The following FREM2 variants were observed in gnomAD, a reference collection of about 807,000 sequenced individuals.
FREM2 encodes FRAS1-related extracellular matrix protein 2.
FREM2 carries 119 observed loss-of-function variants against 219.9 expected under a neutral mutation model. That is an observed-to-expected ratio of 0.54 (90% CI 0.47 to 0.63). The LOEUF (loss-of-function observed/expected upper bound fraction) is 0.63, where lower values mean the gene tolerates loss of function less well. Ranked by LOEUF, FREM2 falls within the 30% of genes least tolerant of loss-of-function variation. FREM2 has a pLI of 0.00. For missense variants in FREM2, 4,030 were observed against 3,993.6 expected (o/e 1.01, Z -0.25); for synonymous variants, 1,562 against 1,522.8 (o/e 1.03, Z -0.60).
chr13:38,793,877 A>G (rs975734571), intron 6 of FREM2, among the ~76,000 whole-genome samples: 2 of 152,222 alleles, frequency 1.3e-5, no homozygotes, highest in Non-Finnish European at 2.9e-5. Flanking sequence ...GTTTCTAGTT[A>G]GAGCTGTTGG....
chr13:38,691,144 A>T lies in FREM2; in HGVS notation c.3800A>T (p.His1267Leu). ...IIESSSIIYE[H>L]DDSETQEDSF... ...GAGAGTTCCAGCATTATTTATGAGC[A>T]TGATGACTCCGAGACCCAGGAAGAC... The change falls in exon 1 of 24, where the codon CAT (histidine) becomes CTT (leucine). Residue 1267 changes from histidine to leucine, a missense_variant. Around this residue, in one of 2 missense-constraint regions of FREM2, gnomAD observed 3,102 missense variants for 2,950.7 expected, o/e 1.05. Coordinates refer to ENST00000280481, the MANE Select transcript of FREM2 (RefSeq NM_207361.6). The T allele has an allele frequency of 1.2e-6, 2 of 1,614,158 alleles. No individual in the cohort carries two copies. The highest frequency in any genetic ancestry group is 1.7e-6 in the Non-Finnish European group (2 of 1,180,042).
At chr13:38,813,763 T>C (rs1487105823) in intron 6 of FREM2, among the ~76,000 whole-genome samples, 1 of 151,356 alleles carries the variant, frequency 6.6e-6, no homozygotes, top group Non-Finnish European at 1.5e-5. Flanking sequence ...AGTTCTCTGA[T>C]ATTATCCCTT....
intron 1 of FREM2, among the ~76,000 whole-genome samples, chr13:38,696,838 C>T (rs1161117049): frequency 6.7e-6 from 1 of 148,654 alleles, no homozygotes; most frequent in African/African-American, 2.5e-5. Flanking sequence ...GACAGGGTCT[C>T]ATTCTCTTGC....
chr13:38,844,663 A>G (rs937453966), intron 6 of FREM2, among the ~76,000 whole-genome samples: 1 of 152,174 alleles, frequency 6.6e-6, no homozygotes, highest in African/African-American at 2.4e-5. Flanking sequence ...TCATTGTTAA[A>G]TAAAAGGTCC....
intron 6 of FREM2, among the ~76,000 whole-genome samples, chr13:38,790,574 C>T (rs1388285387): frequency 1.3e-5 from 2 of 152,108 alleles, no homozygotes; most frequent in Non-Finnish European, 2.9e-5. Flanking sequence ...TGCTTATGGA[C>T]TACTCTTCTA....
intron 8 of FREM2, 69 bp downstream of exon 8, chr13:38,848,739 G>A (rs1877260114): frequency 7.9e-7 from 1 of 1,265,074 alleles, no homozygotes. Flanking sequence ...ATGTATATAT[G>A]ATAAGCAAGA....
At chr13:38,773,472 C>T (rs1305253687) in intron 4 of FREM2, among the ~76,000 whole-genome samples, 2 of 152,124 alleles carry the variant, frequency 1.3e-5, no homozygotes, top group Non-Finnish European at 2.9e-5. Flanking sequence ...CTTGCTGCAT[C>T]CCCAAACTCC....
chr13:38,796,004 T>C (rs973925194), intron 6 of FREM2, among the ~76,000 whole-genome samples: 2 of 152,142 alleles, frequency 1.3e-5, no homozygotes, highest in Non-Finnish European at 2.9e-5. Flanking sequence ...TCTTTTTTCT[T>C]TCTTTCTTTC....
chr13:38,812,105 T>C (rs974704016), intron 6 of FREM2, among the ~76,000 whole-genome samples: 1 of 152,208 alleles, frequency 6.6e-6, no homozygotes, highest in African/African-American at 2.4e-5. Context: ...CTTATATAAG[T>C]ATAGCTACTC....
intron 6 of FREM2, 90 bp downstream of exon 6, chr13:38,784,898 A>C: frequency 7.3e-7 from 1 of 1,363,006 alleles, no homozygotes; most frequent in Non-Finnish European, 1.0e-6. Context: ...AATCTAAAAC[A>C]ATGATAATAT....
At chr13:38,863,292 C>T (rs1186704378) in intron 15 of FREM2, among the ~76,000 whole-genome samples, 2 of 152,138 alleles carry the variant, frequency 1.3e-5, no homozygotes, top group Non-Finnish European at 1.5e-5. Context: ...TCAAGTGATC[C>T]ACCTGCCTTG....
chr13:38,866,667 CAA>C (rs34237877), intron 16 of FREM2, among the ~76,000 whole-genome samples: 47 of 115,966 alleles, frequency 4.1e-4, no homozygotes, highest in African/African-American at 5.4e-4. Context: ...AACTCCATCT[CAA>C]AAAAAAAAAA....
At position 38,809,737 on chromosome 13, in the gene FREM2, T is replaced by C. The variant is rs1875401426; in HGVS notation, c.6019+24929T>C. 2.6e-5 allele frequency among the ~76,000 whole-genome samples: 4 copies of C among 152,126 alleles called. No homozygotes were observed. The South Asian group carries it at 8.3e-4, about 31-fold the overall frequency. On this transcript the variant is annotated intron_variant, in intron 6 of 23. Coordinates refer to ENST00000280481, the MANE Select transcript of FREM2 (RefSeq NM_207361.6). ...CATGCTGTTTTGATTACAGTCGTTC[T>C]GTAGTATAATTTGAAGTGAGTTAAT...
intron 16 of FREM2, among the ~76,000 whole-genome samples, chr13:38,864,905 A>G (rs1877904480): frequency 6.6e-6 from 1 of 152,182 alleles, no homozygotes; most frequent in Non-Finnish European, 1.5e-5. Flanking sequence ...AAAAATCCAA[A>G]TACTGACTTC....
At chr13:38,851,257 C>A in intron 10 of FREM2, 149 bp downstream of exon 10, 1 of 730,672 alleles carries the variant, frequency 1.4e-6, no homozygotes, top group Non-Finnish European at 2.3e-6. Flanking sequence ...AAAAGACAAA[C>A]AAATGGGGAA....
intron 6 of FREM2, among the ~76,000 whole-genome samples, chr13:38,793,937 G>T (rs1258949156): frequency 6.6e-6 from 1 of 151,900 alleles, no homozygotes; most frequent in African/African-American, 2.4e-5. Flanking sequence ...GGTAGAATGG[G>T]CTTAGGAATA....
In FREM2 at chr13:38,846,139, G is replaced by A. The variant is rs184981967; in HGVS notation, c.6020-434G>A. 2.4e-4 allele frequency among the ~76,000 whole-genome samples: 37 copies of A among 151,728 alleles called. 1 individual carries two copies. The East Asian group carries it at 7.2e-3, about 29-fold the overall frequency. On this transcript the variant is annotated intron_variant, in intron 6 of 23. Coordinates refer to ENST00000280481, the MANE Select transcript of FREM2 (RefSeq NM_207361.6). ...CCCAAATCTAATGGACCAGAAAATG[G>A]CATAATGCAAAAAGGAATAGCTCTG...
At chr13:38,788,930 A>G (rs968397259) in intron 6 of FREM2, among the ~76,000 whole-genome samples, 3 of 152,102 alleles carry the variant, frequency 2.0e-5, no homozygotes, top group Non-Finnish European at 2.9e-5. Flanking sequence ...TTTTCCTTCA[A>G]TCTGTTAGTG....
At position 38,878,160 on chromosome 13, in the gene FREM2, G is replaced by C; in HGVS notation, c.8698G>C (p.Val2900Leu). ...TGATATAATTTATGGTCGTGTCATG[G>C]TGGATCCTGTCCAGAATCTGGGTGA... The part of the protein sequence containing the change: ...EGDIIYGRVM[V>L]DPVQNLGDSF... The change falls in exon 22 of 24, where the codon GTG becomes CTG. Residue 2900 changes from valine to leucine, a missense_variant. Around this residue, in one of 2 missense-constraint regions of FREM2, gnomAD observed 928 missense variants for 1,042.9 expected, o/e 0.89. Coordinates refer to ENST00000280481, the MANE Select transcript of FREM2 (RefSeq NM_207361.6). 1 of 1,613,734 alleles carries C rather than the reference G, an allele frequency of 6.2e-7. No individual in the cohort carries two copies. Among genetic ancestry groups the C allele is most frequent in the South Asian group, 1.1e-5 (1 of 91,068 alleles).
Sources: gnomAD v4.1 joint callset for allele counts (sites outside exome capture counted in the v4.1 genomes callset) on GRCh38, gnomAD v4.1.1 for gene constraint, gnomAD v4.1.1 regional missense constraint, MANE v1.5 for transcripts, NCBI Gene and HGNC (gene_info 2026-07-23, HGNC 2026-07-21) for gene names.